UBOX5: variants seen among roughly 807,000 people sequenced by gnomAD.
UBOX5 encodes the protein RING finger protein 37.
A neutral mutation model predicts 39.0 loss-of-function variants in UBOX5; 28 were observed. The observed-to-expected ratio is 0.72, with a 90% CI of 0.53 to 0.98. The LOEUF is 0.98. Ranked by LOEUF, UBOX5 falls within the 50% of genes least tolerant of loss-of-function variation. The pLI is 0.00. For synonymous variants in UBOX5, 283 were observed against 275.5 expected (o/e 1.03, Z -0.27); for missense variants, 585 against 674.4 (o/e 0.87, Z 1.47).
At chr20:3,126,985 G>A (rs986041368) in intron 1 of UBOX5, among the ~76,000 whole-genome samples, 27 of 144,264 alleles carry the variant, frequency 1.9e-4, no homozygotes, top group Admixed American at 1.0e-3. Flanking sequence ...GCAGTGAGCC[G>A]AGATTGCGCT....
Position 3,158,109 on chromosome 20 carries a change from TTTTG to T in UBOX5, c.-42+1653_-42+1656del, listed in dbSNP as rs2066707419. On this transcript the variant is annotated intron_variant, in intron 1 of 4. Transcript: ENST00000217173. Reference sequence around the variant, plus strand: ...AAGCCCACCACCACGCCTGGCTACATTTTGTTTTTTTGTGTGTTTTTTTTGTTTT... The same window carrying T: ...AAGCCCACCACCACGCCTGGCTACATTTTTTTTGTGTGTTTTTTTTGTTTT... Among the ~76,000 whole-genome samples the T allele has an allele frequency of 2.6e-5, 4 of 151,948 alleles. No homozygotes were observed. In the South Asian group the frequency reaches 8.3e-4, roughly 32 times the overall value.
Position 3,109,996 on chromosome 20 carries a change from A to G in UBOX5, c.*110T>C. ...ATGAAGAAGAGCCCCGGGAGGGAGC[A>G]GGCAGCTCTGTGCCTGGGGCCTGGC... On this transcript the variant is annotated 3_prime_UTR_variant, in exon 5 of 5. Transcript: ENST00000217173. 7.7e-7 allele frequency: 1 copy of G among 1,290,840 alleles called. No individual in the cohort carries two copies. The highest frequency in any genetic ancestry group is 1.1e-6 in the Non-Finnish European group (1 of 915,936). 80.0% of individuals were successfully genotyped at this position (1,290,840 alleles called of 1,614,324 possible).
intron 1 of UBOX5, among the ~76,000 whole-genome samples, chr20:3,126,611 GAGGGAGGGAGGGAGTGAAGGAGGA>G (rs1207006446): frequency 1.4e-5 from 2 of 147,108 alleles, no homozygotes; most frequent in African/African-American, 2.6e-5. Context: ...CAGAGAAAGA[GAGGGAGGGAGGGAGTGAAGGAGGA>G]AGGGAGGGAG....
At chr20:3,140,014 C>CTTTTTTTT (rs138435815) in intron 1 of UBOX5, among the ~76,000 whole-genome samples, 41 of 78,350 alleles carry the variant, frequency 5.2e-4, no homozygotes, top group East Asian at 1.7e-3. Context: ...GGCCTTTTTA[C>CTTTTTTTT]TTTTTTTTTT....
chr20:3,110,763 T>TGAGACAGGAGGATCACTTG (rs2066247349), intron 4 of UBOX5: 1 of 199,864 alleles, frequency 5.0e-6, no homozygotes, highest in Non-Finnish European at 1.0e-5. Context: ...TTTGGGAGGT[T>TGAGACAGGAGGATCACTTG]GAGACAGGAG....
intron 1 of UBOX5, chr20:3,146,874 C>A (rs769077588): frequency 2.5e-6 from 4 of 1,614,210 alleles, no homozygotes; most frequent in Admixed American, 1.7e-5. Context: ...GATAACTCTA[C>A]CACACGGTAG....
chr20:3,152,050 A>G (rs2066631320), intron 1 of UBOX5: 1 of 145,540 alleles, frequency 6.9e-6, no homozygotes, highest in Non-Finnish European at 1.5e-5. Context: ...GGTTGCAGTG[A>G]GCCAAGATGG....
chr20:3,113,397 TAGG>T (rs1364863419), intron 4 of UBOX5, among the ~76,000 whole-genome samples: 1 of 146,686 alleles, frequency 6.8e-6, no homozygotes, highest in Non-Finnish European at 1.5e-5. Context: ...TCAGAGGGAG[TAGG>T]AGTTGAGGTT....
At chr20:3,148,857 T>C in intron 1 of UBOX5, 2 of 1,614,218 alleles carry the variant, frequency 1.2e-6, no homozygotes, top group Non-Finnish European at 1.7e-6. Flanking sequence ...TGGGCACTGC[T>C]GGTTGTCAGG....
intron 1 of UBOX5, among the ~76,000 whole-genome samples, chr20:3,159,540 C>T (rs1277120628): frequency 6.6e-6 from 1 of 152,226 alleles, no homozygotes; most frequent in Admixed American, 6.5e-5. Flanking sequence ...GTCAGATAAG[C>T]CCCCTGCCAA....
At position 3,156,367 on chromosome 20, in the gene UBOX5, C is replaced by T. The variant is rs556056409; in HGVS notation, c.-42+3399G>A. On this transcript the variant is annotated intron_variant, in intron 1 of 4. Transcript: ENST00000217173. ...ATTTTTTTGTATTTTTTGGTAGAGACGGGGTTTTGCCATGTTGGTCAGGCT... is the reference window on the plus strand; with the variant it reads ...ATTTTTTTGTATTTTTTGGTAGAGATGGGGTTTTGCCATGTTGGTCAGGCT... Among the ~76,000 whole-genome samples, 42 of 152,032 alleles carry T rather than the reference C, an allele frequency of 2.8e-4. 1 individual carries two copies. In the South Asian group the frequency reaches 7.3e-3, roughly 26 times the overall value.
chr20:3,124,096 G>A (rs1334711466), intron 1 of UBOX5, among the ~76,000 whole-genome samples: 2 of 152,106 alleles, frequency 1.3e-5, no homozygotes, highest in Non-Finnish European at 2.9e-5. Context: ...ACAACTATTT[G>A]GGAGGCTGAG....
chr20:3,131,304 A>T (rs1202408251), intron 1 of UBOX5, among the ~76,000 whole-genome samples: 1 of 152,078 alleles, frequency 6.6e-6, no homozygotes, highest in Non-Finnish European at 1.5e-5. Context: ...ATGTTAATAA[A>T]GCATTCTAAT....
intron 1 of UBOX5, among the ~76,000 whole-genome samples, chr20:3,129,564 T>A (rs1178726649): frequency 6.6e-6 from 1 of 152,118 alleles, no homozygotes; most frequent in African/African-American, 2.4e-5. Context: ...CACCACCCCC[T>A]GCAAATACTC....
rs963409137 is a variant in UBOX5 at position 3,144,279 on chromosome 20, T to C, written c.-42+15487A>G. Among the ~76,000 whole-genome samples the C allele has an allele frequency of 5.9e-5, 9 of 152,294 alleles. No homozygotes were observed. In the East Asian group the frequency reaches 1.5e-3, roughly 26 times the overall value. ...ACTCATACTTCCCAATTATGTGGTATTGGCATAAGAATAGATGAATGGAAT... is the reference window on the plus strand; with the variant it reads ...ACTCATACTTCCCAATTATGTGGTACTGGCATAAGAATAGATGAATGGAAT... On this transcript the variant is annotated intron_variant, in intron 1 of 4. Coordinates refer to ENST00000217173, the MANE Select transcript of UBOX5 (RefSeq NM_014948.4).
At chr20:3,147,286 A>G (rs2066574917) in intron 1 of UBOX5, 1 of 1,614,102 alleles carries the variant, frequency 6.2e-7, no homozygotes, top group Admixed American at 1.7e-5. Context: ...TCAGGTTAAC[A>G]TCAAGCTGGA....
At chr20:3,139,628 G>A in intron 1 of UBOX5, among the ~76,000 whole-genome samples, 1 of 151,886 alleles carries the variant, frequency 6.6e-6, no homozygotes, top group Non-Finnish European at 1.5e-5. Context: ...CTGACAGCCT[G>A]GTCTTAAACT....
Position 3,109,857 on chromosome 20 carries a change from T to C in UBOX5, c.*249A>G, listed in dbSNP as rs2066239158. 3.5e-6 allele frequency: 2 copies of C among 567,882 alleles called. No homozygotes were observed. The highest frequency in any genetic ancestry group is 1.9e-5 in the African/African-American group (1 of 53,134). The allele number at this position is 567,882 out of a possible 1,614,324, so 35.2% of individuals were successfully genotyped here. A position where few individuals can be genotyped will look rare whatever the true frequency, so the allele number is the denominator to read the frequency against. ...GGGTGGGGCTGGCTCCAGTGGGTCC[T>C]GGGCTCAGGCAGGGGGGGTGGCAGG... On this transcript the variant is annotated 3_prime_UTR_variant, in exon 5 of 5. Transcript: ENST00000217173.
chr20:3,131,603 T>G (rs374633960), intron 1 of UBOX5, among the ~76,000 whole-genome samples: 2 of 152,206 alleles, frequency 1.3e-5, no homozygotes, highest in African/African-American at 4.8e-5. Context: ...AGTATAGAGA[T>G]AAAAATGAAA....
Sources: allele counts gnomAD v4.1 joint callset (sites outside exome capture counted in the v4.1 genomes callset), GRCh38; gene constraint gnomAD v4.1.1; transcripts MANE v1.5; gene names NCBI Gene and HGNC (gene_info 2026-07-23, HGNC 2026-07-21).